Variants in ABCC1 observed in about 807,000 individuals in gnomAD.
ABCC1 encodes ATP binding cassette subfamily C member 1 (ABCC1 blood group), also known as multidrug resistance-associated protein 1.
ABCC1 carries 83 observed loss-of-function variants against 172.9 expected under a neutral mutation model. The observed-to-expected ratio is 0.48, with a 90% CI of 0.40 to 0.58. The LOEUF (loss-of-function observed/expected upper bound fraction) is 0.58, where lower values mean the gene tolerates loss of function less well. Ranked by LOEUF, ABCC1 falls within the 20% of genes least tolerant of loss-of-function variation. The pLI, the probability that ABCC1 is intolerant of heterozygous loss-of-function variation, is 0.00. For synonymous variants in ABCC1, 937 were observed against 825.2 expected (o/e 1.14, Z -2.32); for missense variants, 1,817 against 2,002.7 (o/e 0.91, Z 1.77).
chr16:15,954,191 A>G (rs2045937914), intron 1 of ABCC1, among the ~76,000 whole-genome samples: 1 of 151,706 alleles, frequency 6.6e-6, no homozygotes, highest in African/African-American at 2.4e-5. Flanking sequence ...GTATTTTTAC[A>G]AAACTTTACA....
Position 16,114,803 on chromosome 16 carries a change from C to CG in ABCC1, c.3123dup (p.Ile1042AspfsTer24), listed in dbSNP as rs756818050. 6.2e-7 allele frequency: 1 copy of CG among 1,607,640 alleles called. No individual in the cohort carries two copies. The highest frequency in any genetic ancestry group is 1.3e-5 in the African/African-American group (1 of 74,914). On this transcript the variant is annotated frameshift_variant, in exon 23 of 31. Transcript: ENST00000399410. LOFTEE classifies it high-confidence loss of function. ...TTGGCTACTCCATGGCCGTGTCCAT[C>CG]GGGGGGATCTTGGCTTCCCGCTGTC...
intron 9 of ABCC1, among the ~76,000 whole-genome samples, chr16:16,047,330 C>A (rs1046358775): frequency 1.3e-5 from 2 of 152,250 alleles, no homozygotes; most frequent in Non-Finnish European, 2.9e-5. Flanking sequence ...CTCGCTCTGT[C>A]ACCCAGGCTA....
chr16:16,007,649 C>T (rs940788270), intron 1 of ABCC1, among the ~76,000 whole-genome samples, 167 bp from the exon 2 acceptor site: 7 of 152,150 alleles, frequency 4.6e-5, no homozygotes, highest in African/African-American at 1.7e-4. Flanking sequence ...CTTAGTCTTT[C>T]TGGCTACTGA....
chr16:16,082,797 A>G lies in ABCC1; in HGVS notation c.2116-569A>G, dbSNP rs45616235. 4.5e-3 allele frequency among the ~76,000 whole-genome samples: 679 copies of G among 152,262 alleles called. 1 individual carries two copies. Among genetic ancestry groups the G allele is most frequent in the African/African-American group, 0.013 (553 of 41,552 alleles). ...CAAGTAGCTGGGACTACAGATGCAC[A>G]GCGCCATGCCTGGCTAATTTTTCTA... On this transcript the variant is annotated intron_variant, in intron 16 of 30. Coordinates refer to ENST00000399410, the MANE Select transcript of ABCC1 (RefSeq NM_004996.4).
intron 1 of ABCC1, among the ~76,000 whole-genome samples, chr16:16,006,981 G>T (rs1302518361): frequency 1.3e-5 from 2 of 152,064 alleles, no homozygotes; most frequent in South Asian, 2.1e-4. Flanking sequence ...AGTGGGGAAG[G>T]TGATGATGAT....
chr16:16,067,591 TAACTC>T (rs766225361), intron 12 of ABCC1, among the ~76,000 whole-genome samples: 3 of 152,130 alleles, frequency 2.0e-5, no homozygotes, highest in Non-Finnish European at 4.4e-5. Flanking sequence ...AGAGGTGAAA[TAACTC>T]AACCAGGGTC....
intron 9 of ABCC1, 40 bp downstream of exon 9, chr16:16,046,053 A>G (rs185196502): frequency 6.2e-7 from 1 of 1,603,592 alleles, no homozygotes; most frequent in East Asian, 2.2e-5. Flanking sequence ...CCCGACTTCC[A>G]CATCCCCTCC....
chr16:15,949,740 C>A lies in ABCC1; in HGVS notation c.-12C>A, dbSNP rs1490934192. On this transcript the variant is annotated 5_prime_UTR_variant, in exon 1 of 31. Transcript: ENST00000399410. ...CCGCCGCCCGGTGCCCGCCGCCGCC[C>A]GCGCCACCGGCATGGCGCTCCGGGG... The A allele has an allele frequency of 1.7e-6, 2 of 1,174,068 alleles. No individual in the cohort carries two copies. The highest frequency in any genetic ancestry group is 2.1e-6 in the Non-Finnish European group (2 of 949,004). The allele number at this position is 1,174,068 out of a possible 1,614,324, so 72.7% of individuals were successfully genotyped here. A position where few individuals can be genotyped will look rare whatever the true frequency, so the allele number is the denominator to read the frequency against.
chr16:16,041,526 T>G (rs2048977732), intron 7 of ABCC1, among the ~76,000 whole-genome samples: 1 of 152,078 alleles, frequency 6.6e-6, no homozygotes, highest in Non-Finnish European at 1.5e-5. Context: ...ATCGCTTGCT[T>G]TATTCCCAGA....
At chr16:16,053,616 GTC>G (rs1263705882) in intron 11 of ABCC1, among the ~76,000 whole-genome samples, 1 of 151,442 alleles carries the variant, frequency 6.6e-6, no homozygotes, top group Non-Finnish European at 1.5e-5. Context: ...GGTGAAACCT[GTC>G]TCTACCAAAA....
At chr16:16,058,310 C>G (rs1164425972) in intron 12 of ABCC1, among the ~76,000 whole-genome samples, 3 of 152,280 alleles carry the variant, frequency 2.0e-5, no homozygotes, top group Middle Eastern at 3.4e-3. Context: ...TTTTTATTAA[C>G]TGTGTCATTC....
chr16:16,112,064 TG>T (rs1181561557), intron 22 of ABCC1, among the ~76,000 whole-genome samples: 1 of 152,176 alleles, frequency 6.6e-6, no homozygotes, highest in African/African-American at 2.4e-5. Flanking sequence ...TGAGAAACCC[TG>T]CTGTTGGCCA....
chr16:15,979,219 A>T (rs45583036), intron 1 of ABCC1, among the ~76,000 whole-genome samples: 1,805 of 152,110 alleles, frequency 0.012, 34 homozygotes, highest in African/African-American at 0.041. Flanking sequence ...TTAACCTGGG[A>T]GGCGGAGGTT....
intron 14 of ABCC1, 134 bp from the exon 15 acceptor site, chr16:16,076,192 C>A: frequency 1.2e-6 from 1 of 816,432 alleles, no homozygotes; most frequent in Non-Finnish European, 1.9e-6. Flanking sequence ...TGGCTGATGT[C>A]ACCAGATAAT....
chr16:16,089,763 G>A, intron 18 of ABCC1, among the ~76,000 whole-genome samples: 1 of 148,360 alleles, frequency 6.7e-6, no homozygotes, highest in South Asian at 2.2e-4. Flanking sequence ...TGTAATCCCA[G>A]CTACGCGGGA....
At chr16:16,002,813 A>G (rs1041442565) in intron 1 of ABCC1, among the ~76,000 whole-genome samples, 4 of 151,802 alleles carry the variant, frequency 2.6e-5, no homozygotes, top group African/African-American at 7.3e-5. Context: ...TTAGCTAAGT[A>G]AAAAAAAGCA....
chr16:15,995,469 TTTC>T (rs1409844340), intron 1 of ABCC1, among the ~76,000 whole-genome samples: 2 of 152,062 alleles, frequency 1.3e-5, no homozygotes, highest in Admixed American at 6.6e-5. Context: ...CTTCACCCAC[TTTC>T]TTCTTCTTCA....
intron 19 of ABCC1, among the ~76,000 whole-genome samples, chr16:16,099,122 A>G (rs1017531922): frequency 6.6e-6 from 1 of 152,120 alleles, no homozygotes; most frequent in African/African-American, 2.4e-5. Context: ...AGATCCCTTT[A>G]TTGTCACTGA....
chr16:16,122,610 A>G (rs953675648), intron 24 of ABCC1, among the ~76,000 whole-genome samples: 2 of 151,524 alleles, frequency 1.3e-5, no homozygotes, highest in Admixed American at 6.6e-5. Flanking sequence ...GCCAGATGTC[A>G]TGGCTCACGC....
Sources: allele counts gnomAD v4.1 joint callset (sites outside exome capture counted in the v4.1 genomes callset), GRCh38; gene constraint gnomAD v4.1.1; transcripts MANE v1.5; gene names NCBI Gene and HGNC (gene_info 2026-07-23, HGNC 2026-07-21).